The following SLC16A2 variants were observed in gnomAD, a reference collection of about 807,000 sequenced individuals.
SLC16A2 encodes the protein solute carrier family 16 member 2.
SLC16A2 carries 3 observed loss-of-function variants against 27.2 expected under a neutral mutation model. That is an observed-to-expected ratio of 0.11 (90% CI 0.05 to 0.28). The LOEUF is 0.28. SLC16A2 is among the 10% of genes least tolerant of loss of function. The pLI, the probability that SLC16A2 is intolerant of heterozygous loss-of-function variation, is 1.00. For missense variants in SLC16A2, 295 were observed against 458.5 expected, an observed-to-expected ratio of 0.64 and a Z score of 3.26; for synonymous variants, 202 against 187.8, an observed-to-expected ratio of 1.08 and a Z score of -0.62.
chrX:74,524,311 G>A (rs765058373), intron 2 of SLC16A2, 48 bp from the exon 3 acceptor site: 9 of 1,181,395 alleles, frequency 7.6e-6, no homozygotes, highest in Non-Finnish European at 9.2e-6. Context: ...AGGGCAGGTA[G>A]ATTGCTGGTC....
intron 1 of SLC16A2, among the ~76,000 whole-genome samples, chrX:74,423,744 A>G (rs1460711965): frequency 9.0e-6 from 1 of 111,380 alleles, no homozygotes; most frequent in African/African-American, 3.3e-5. Context: ...GAAAGCAGGC[A>G]GTGTAGGGAC....
intron 1 of SLC16A2, among the ~76,000 whole-genome samples, chrX:74,424,077 C>T (rs1928361106): frequency 2.1e-5 from 2 of 94,858 alleles, no homozygotes; most frequent in Non-Finnish European, 4.1e-5. Context: ...GTCAAGACCT[C>T]ACAGTGCAGC....
intron 1 of SLC16A2, among the ~76,000 whole-genome samples, chrX:74,484,644 G>A (rs868628264): frequency 5.3e-5 from 6 of 112,213 alleles, no homozygotes; most frequent in Non-Finnish European, 9.4e-5. Flanking sequence ...GGCTGAGGAG[G>A]AAGTCCATTC....
chrX:74,480,341 A>G (rs1488906906), intron 1 of SLC16A2, among the ~76,000 whole-genome samples: 4 of 112,620 alleles, frequency 3.6e-5, no homozygotes, highest in African/African-American at 1.3e-4. Flanking sequence ...AAAGTGCAGT[A>G]TTAGGGTGTT....
intron 2 of SLC16A2, 107 bp from the exon 3 acceptor site, chrX:74,524,252 G>A: frequency 1.2e-6 from 1 of 813,775 alleles, no homozygotes; most frequent in East Asian, 3.2e-5. Context: ...GGCAAGTGGG[G>A]CTGTGGGTTA....
intron 1 of SLC16A2, among the ~76,000 whole-genome samples, chrX:74,442,303 T>A (rs1452402448): frequency 9.1e-6 from 1 of 109,942 alleles, no homozygotes; most frequent in Non-Finnish European, 1.9e-5. Flanking sequence ...ATTAGTCTCA[T>A]TAGCGTTGGC....
At chrX:74,458,190 A>T (rs898644920) in intron 1 of SLC16A2, among the ~76,000 whole-genome samples, 4 of 111,795 alleles carry the variant, frequency 3.6e-5, no homozygotes, top group Admixed American at 9.6e-5. Flanking sequence ...TCCTAGCTTT[A>T]TTGGAGCATA....
chrX:74,530,903 G>T (rs1480625978), intron 5 of SLC16A2, among the ~76,000 whole-genome samples: 1 of 110,663 alleles, frequency 9.0e-6, no homozygotes, highest in Non-Finnish European at 1.9e-5. Flanking sequence ...TTCAGAGAAG[G>T]GTCACTTCAG....
intron 1 of SLC16A2, among the ~76,000 whole-genome samples, chrX:74,425,931 GT>G (rs1245187364): frequency 2.7e-5 from 3 of 111,774 alleles, no homozygotes; most frequent in Non-Finnish European, 5.6e-5. Context: ...AGGGACAATG[GT>G]CAGGAAGGTT....
intron 1 of SLC16A2, among the ~76,000 whole-genome samples, chrX:74,501,827 G>C (rs746692625): frequency 1.1e-4 from 12 of 111,447 alleles, no homozygotes; most frequent in African/African-American, 3.9e-4. Flanking sequence ...TGGGATATAG[G>C]TATAGGCTTA....
At chrX:74,529,171 G>C in intron 4 of SLC16A2, 42 bp from the exon 5 acceptor site, 1 of 1,000,232 alleles carries the variant, frequency 1.0e-6, no homozygotes, top group Non-Finnish European at 1.4e-6. Context: ...ATGTGGTCTT[G>C]GCTGGCCAGC....
chrX:74,464,493 T>A (rs1442074230), intron 1 of SLC16A2, among the ~76,000 whole-genome samples: 1 of 112,042 alleles, frequency 8.9e-6, no homozygotes, highest in Non-Finnish European at 1.9e-5. Context: ...AGAATTTCAG[T>A]TGAATAATTT....
intron 1 of SLC16A2, among the ~76,000 whole-genome samples, chrX:74,432,926 T>C (rs745637270): frequency 8.9e-6 from 1 of 112,038 alleles, no homozygotes; most frequent in Non-Finnish European, 1.9e-5. Context: ...CCCACTCCTA[T>C]CTCCCAGCCA....
At chrX:74,491,009 T>A (rs779972347) in intron 1 of SLC16A2, among the ~76,000 whole-genome samples, 12 of 112,164 alleles carry the variant, frequency 1.1e-4, no homozygotes, top group Non-Finnish European at 2.1e-4. Flanking sequence ...AAGGCTTCAA[T>A]GGGCCTCTGC....
At chrX:74,517,921 A>C (rs961103237) in intron 1 of SLC16A2, among the ~76,000 whole-genome samples, 1 of 112,221 alleles carries the variant, frequency 8.9e-6, no homozygotes, top group East Asian at 2.8e-4. Flanking sequence ...TACTTAGCAT[A>C]ACGCCTTTGA....
intron 1 of SLC16A2, among the ~76,000 whole-genome samples, chrX:74,505,826 A>G (rs1045473812): frequency 6.2e-5 from 7 of 112,317 alleles, no homozygotes; most frequent in Non-Finnish European, 3.8e-5. Context: ...CAGCTGCCCA[A>G]ACTGGCTGCC....
intron 1 of SLC16A2, among the ~76,000 whole-genome samples, chrX:74,446,129 C>G (rs1235371414): frequency 6.3e-5 from 7 of 110,473 alleles, no homozygotes; most frequent in Non-Finnish European, 1.3e-4. Context: ...TTTTTTTGCC[C>G]CCTCCTCTTC....
intron 5 of SLC16A2, among the ~76,000 whole-genome samples, 175 bp from the exon 6 acceptor site, chrX:74,531,158 C>T (rs898656905): frequency 1.1e-4 from 12 of 112,864 alleles, no homozygotes; most frequent in African/African-American, 3.9e-4. Context: ...TCATAATGAG[C>T]ATTCGCTCAA....
intron 1 of SLC16A2, among the ~76,000 whole-genome samples, chrX:74,508,014 A>G (rs1292346446): frequency 8.9e-6 from 1 of 112,075 alleles, no homozygotes; most frequent in Non-Finnish European, 1.9e-5. Context: ...AATATCTAGC[A>G]GTGGGATTGC....
Sources: gnomAD v4.1 joint callset for allele counts (sites outside exome capture counted in the v4.1 genomes callset) on GRCh38, gnomAD v4.1.1 for gene constraint, MANE v1.5 for transcripts, NCBI Gene and HGNC (gene_info 2026-07-23, HGNC 2026-07-21) for gene names.